Variants in STRA6 observed in about 807,000 individuals in gnomAD.
STRA6 encodes signaling receptor and transporter of retinol STRA6.
In STRA6, 48 loss-of-function variants were observed where a neutral mutation model predicts 83.6. That is an observed-to-expected ratio of 0.57 (90% CI 0.46 to 0.73). The LOEUF (loss-of-function observed/expected upper bound fraction) is 0.73. Ranked by LOEUF, STRA6 falls within the 30% of genes least tolerant of loss-of-function variation. The pLI is 0.00. For missense variants in STRA6, 760 were observed against 838.8 expected (o/e 0.91, Z 1.16); for synonymous variants, 353 against 362.3 (o/e 0.97, Z 0.29).
intron 8 of STRA6, 133 bp from the exon 9 acceptor site, chr15:74,191,624 G>C: frequency 1.3e-6 from 1 of 775,578 alleles, no homozygotes; most frequent in South Asian, 1.4e-5. Context: ...GTGGTGGTGA[G>C]TGTGGATGGG....
At chr15:74,180,667 A>T in intron 18 of STRA6, 115 bp downstream of exon 18, 1 of 1,446,636 alleles carries the variant, frequency 6.9e-7, no homozygotes, top group Non-Finnish European at 9.3e-7. Flanking sequence ...CAGCCAAGGA[A>T]GAGAGGAAGT....
At position 74,186,627 on chromosome 15, in the gene STRA6, C is replaced by T. The variant is rs374765613; in HGVS notation, c.1091-1572G>A. Among the ~76,000 whole-genome samples, 7 of 152,130 alleles carry T rather than the reference C, an allele frequency of 4.6e-5. No homozygotes were observed. In the East Asian group the frequency reaches 1.2e-3, roughly 25 times the overall value. On this transcript the variant is annotated intron_variant, in intron 12 of 18. Coordinates refer to ENST00000395105, the MANE Select transcript of STRA6 (RefSeq NM_022369.4). ...CGTCTCAAAACAAAACAAAATTAGCCGGGCCTGGTGGTATGTGCCTGTAAT... is the reference window on the plus strand; with the variant it reads ...CGTCTCAAAACAAAACAAAATTAGCTGGGCCTGGTGGTATGTGCCTGTAAT...
rs1015111971 is a variant in STRA6, at chr15:74,188,453, G to T, written c.1090+662C>A. 6.6e-6 allele frequency among the ~76,000 whole-genome samples: 1 copy of T among 152,240 alleles called. No individual in the cohort carries two copies. Among genetic ancestry groups the T allele is most frequent in the Admixed American group, 6.5e-5 (1 of 15,294 alleles). On this transcript the variant is annotated intron_variant, in intron 12 of 18. Transcript: ENST00000395105. The surrounding 1 kb of genome is among the most constrained non-coding windows in gnomAD (Gnocchi z 4.5). ...CCCGCCTAGGCTTCAGGAGCCCTGC[G>T]TTCTCTTGGCTGCACTCTGCCCTGC...
chr15:74,196,191 C>T, intron 4 of STRA6, 44 bp from the exon 5 acceptor site: 1 of 1,609,454 alleles, frequency 6.2e-7, no homozygotes, highest in Non-Finnish European at 8.5e-7. Flanking sequence ...TTGCTCAGCC[C>T]CTGCACCCCC....
chr15:74,190,425 G>A (rs568862143), intron 11 of STRA6, among the ~76,000 whole-genome samples: 1 of 143,290 alleles, frequency 7.0e-6, no homozygotes, highest in African/African-American at 2.5e-5. Flanking sequence ...TTTTTTCGGG[G>A]TTTTTTTTTT....
At chr15:74,200,976 A>G (rs1468568878) in intron 2 of STRA6, among the ~76,000 whole-genome samples, 1 of 152,170 alleles carries the variant, frequency 6.6e-6, no homozygotes, top group Non-Finnish European at 1.5e-5. Flanking sequence ...AACCATCCTC[A>G]TGGGTTCCTG....
rs1595839271 is a variant in STRA6, at chr15:74,189,346, G to A, written c.928-69C>T. On this transcript the variant is annotated intron_variant, in intron 11 of 18. Transcript: ENST00000395105. ...TTCTGTGCTAACAGGGGAGACGCTG[G>A]GGAAGAAACTGGCAGCACACAGGCC... 7.1e-6 allele frequency: 11 copies of A among 1,544,736 alleles called. No individual in the cohort carries two copies. In the East Asian group the frequency reaches 2.7e-4, roughly 38 times the overall value.
intron 1 of STRA6, chr15:74,208,736 C>G (rs76263994): frequency 0.024 from 24,157 of 988,078 alleles, 319 homozygotes; most frequent in East Asian, 0.045. Context: ...ACCCCATGTG[C>G]CTTCTCGCTG....
upstream of STRA6, chr15:74,202,900 C>A (rs561553840): frequency 1.0e-4 from 104 of 993,326 alleles, 1 homozygote; most frequent in South Asian, 2.9e-3. Context: ...TTGACAAAGC[C>A]CCCCTCCTGG....
intron 1 of STRA6, among the ~76,000 whole-genome samples, chr15:74,208,359 C>T (rs563605635): frequency 1.3e-5 from 2 of 152,150 alleles, no homozygotes; most frequent in African/African-American, 4.8e-5. Flanking sequence ...CCCACGTTCT[C>T]CGTTCCCAGC....
At chr15:74,187,373 A>G (rs1318077757) in intron 12 of STRA6, among the ~76,000 whole-genome samples, 3 of 152,152 alleles carry the variant, frequency 2.0e-5, no homozygotes, top group African/African-American at 7.2e-5. Context: ...GTCTTCCCTC[A>G]TGTGATTGAG....
chr15:74,182,513 GC>G, intron 14 of STRA6, 53 bp from the exon 15 acceptor site: 1 of 1,469,064 alleles, frequency 6.8e-7, no homozygotes, highest in Non-Finnish European at 9.3e-7. Context: ...ATGAAAACTG[GC>G]CATCCCCGCT....
intron 10 of STRA6, 129 bp from the exon 11 acceptor site, chr15:74,191,030 C>T (rs947946079): frequency 1.0e-5 from 16 of 1,567,618 alleles, no homozygotes; most frequent in Middle Eastern, 3.3e-4. Context: ...AGGGTCTTCC[C>T]GCTGTCCCAA....
intron 18 of STRA6, 73 bp downstream of exon 18, chr15:74,180,709 G>A (rs1595819809): frequency 6.5e-7 from 1 of 1,531,528 alleles, no homozygotes; most frequent in Non-Finnish European, 8.8e-7. Context: ...TCTGTGTGCT[G>A]GGGAGGGGCA....
chr15:74,192,890 T>C (rs116824870), intron 8 of STRA6, among the ~76,000 whole-genome samples: 90 of 152,302 alleles, frequency 5.9e-4, no homozygotes, highest in African/African-American at 2.1e-3. Flanking sequence ...GGTTTCACAT[T>C]GCACTGCAGG....
At chr15:74,193,683 A>G in intron 8 of STRA6, 117 bp downstream of exon 8, 1 of 1,534,724 alleles carries the variant, frequency 6.5e-7, no homozygotes, top group Non-Finnish European at 8.9e-7. Context: ...TTTTCTGAGC[A>G]TCTATTCTGT....
rs975016803 is a variant in STRA6 at position 74,193,715 on chromosome 15, G to A, written c.720+85C>T. ...CTGTGCTGGGCCCTACATCAAGCACGGCCATGTATCTGGGACCACAGATAC... is the reference window on the plus strand; with the variant it reads ...CTGTGCTGGGCCCTACATCAAGCACAGCCATGTATCTGGGACCACAGATAC... On this transcript the variant is annotated intron_variant, in intron 8 of 18. Coordinates refer to ENST00000395105, the MANE Select transcript of STRA6 (RefSeq NM_022369.4). 25 of 1,591,824 alleles carry A rather than the reference G, an allele frequency of 1.6e-5. No homozygotes were observed. The Admixed American group carries it at 2.5e-4, about 16-fold the overall frequency.
Position 74,196,041 on chromosome 15 carries a change from G to C in STRA6, c.373C>G (p.Pro125Ala), listed in dbSNP as rs1318627476. 6.2e-7 allele frequency: 1 copy of C among 1,613,878 alleles called. No homozygotes were observed. The highest frequency in any genetic ancestry group is 8.5e-7 in the Non-Finnish European group (1 of 1,180,012). The change falls in exon 5 of 19, where the codon CCC (proline) becomes GCC (alanine). Residue 125 changes from proline to alanine, a missense_variant. Pro to Ala is a conservative substitution (Grantham distance 27). Coordinates refer to ENST00000395105, the MANE Select transcript of STRA6 (RefSeq NM_022369.4). The stretch of plus-strand genomic sequence containing the variant: ...GGTGCTGAGGCGAGAGTCAGGAAGG[G>C]CAATGCGTCCTCGTCGGGGAGCAGC... The part of the protein sequence containing the change: ...CLLLPDEDAL[P>A]FLTLASAPSQ...
chr15:74,196,556 C>T (rs1030732711), intron 4 of STRA6, among the ~76,000 whole-genome samples: 3 of 152,226 alleles, frequency 2.0e-5, no homozygotes, highest in African/African-American at 7.2e-5. Context: ...GCGGGCATAG[C>T]TGTCCCAGGC....
Sources: allele counts gnomAD v4.1 joint callset (sites outside exome capture counted in the v4.1 genomes callset), GRCh38; gene constraint gnomAD v4.1.1; non-coding constraint Gnocchi (gnomAD v3.1); transcripts MANE v1.5; gene names NCBI Gene and HGNC (gene_info 2026-07-23, HGNC 2026-07-21).